The following SMG1 variants were observed in gnomAD, a reference collection of about 807,000 sequenced individuals.
The protein encoded by SMG1 is SMG1 nonsense mediated mRNA decay associated PI3K related kinase, also known as serine/threonine-protein kinase SMG1.
A neutral mutation model predicts 419.9 loss-of-function variants in SMG1; 22 were observed. That is an observed-to-expected ratio of 0.05 (90% CI 0.04 to 0.07). SMG1 has a LOEUF of 0.07. SMG1 is among the 10% of genes least tolerant of loss of function. The pLI is 1.00. For missense variants in SMG1, 3,185 were observed against 4,342.0 expected (o/e 0.73, Z 7.49); for synonymous variants, 1,538 against 1,553.5 (o/e 0.99, Z 0.23).
intron 1 of SMG1, among the ~76,000 whole-genome samples, chr16:18,908,365 C>CAA (rs935478285): frequency 1.0e-4 from 8 of 77,644 alleles, no homozygotes; most frequent in East Asian, 4.0e-4. Context: ...ACTCAGTCTC[C>CAA]AAAAAAAAAA....
chr16:18,815,743 T>C, intron 58 of SMG1, 92 bp from the exon 59 acceptor site: 1 of 1,080,472 alleles, frequency 9.3e-7, no homozygotes, highest in Non-Finnish European at 1.3e-6. Context: ...AACAAATGTT[T>C]CAAATATGAG....
At chr16:18,878,959 A>C (rs1401008119) in intron 11 of SMG1, 2 of 172,528 alleles carry the variant, frequency 1.2e-5, no homozygotes, top group African/African-American at 4.8e-5. Context: ...GCAGTGAGCC[A>C]AAATCATGCC....
chr16:18,811,664 T>G, intron 62 of SMG1, 97 bp downstream of exon 62: 1 of 1,079,654 alleles, frequency 9.3e-7, no homozygotes, highest in South Asian at 1.4e-5. Context: ...TTAAGTTCCT[T>G]GATGAACTAT....
chr16:18,865,026 T>C (rs1194040101), intron 23 of SMG1, among the ~76,000 whole-genome samples: 2 of 152,174 alleles, frequency 1.3e-5, no homozygotes, highest in South Asian at 2.1e-4. Context: ...TGTAGAAGGA[T>C]AAAATCCAAG....
chr16:18,829,866 C>A (rs1026582681), intron 53 of SMG1, 60 bp downstream of exon 53: 3 of 1,445,462 alleles, frequency 2.1e-6, no homozygotes, highest in African/African-American at 2.9e-5. Context: ...CCTACTCTAT[C>A]CTGCCCCCTT....
At position 18,896,806 on chromosome 16, in the gene SMG1, C is replaced by T. The variant is rs768851156; in HGVS notation, c.243G>A (p.Gln81=). The T allele has an allele frequency of 3.1e-6, 5 of 1,606,190 alleles. No homozygotes were observed. In the East Asian group the frequency reaches 6.7e-5, roughly 21 times the overall value. The change falls in exon 2 of 63, where the codon CAG becomes CAA. Residue 81 remains glutamine (Q), a synonymous_variant. Transcript: ENST00000446231. Reference sequence around the variant, plus strand: ...AAATATATATACCCTTTTCGTCATTCTGTATGTCAGCGTGGACTCTGGTAT... The same window carrying T: ...AAATATATATACCCTTTTCGTCATTTTGTATGTCAGCGTGGACTCTGGTAT... ...HDDTRVHADI[Q]NDEKGGYSVN... is the part of the protein sequence containing the mutation.
intron 1 of SMG1, chr16:18,899,910 ATT>A (rs1200647651): frequency 1.3e-6 from 1 of 757,124 alleles, no homozygotes; most frequent in African/African-American, 1.7e-5. Context: ...AAATGCATAA[ATT>A]TCCCCACAAC....
rs772884584 is a variant in SMG1, at chr16:18,926,048, C to T, written c.-7G>A. On this transcript the variant is annotated 5_prime_UTR_variant, in exon 1 of 63. Coordinates refer to ENST00000446231, the MANE Select transcript of SMG1 (RefSeq NM_015092.5). Reference sequence around the variant, plus strand: ...CCGGGGCTCTGCGGCTCATTACCTTCCCCGACACGACATGGCCAAGCGCCG... The same window carrying T: ...CCGGGGCTCTGCGGCTCATTACCTTTCCCGACACGACATGGCCAAGCGCCG... The T allele has an allele frequency of 1.3e-6, 2 of 1,566,372 alleles. No individual in the cohort carries two copies. The highest frequency in any genetic ancestry group is 1.2e-5 in the South Asian group (1 of 86,744).
chr16:18,829,743 A>G lies in SMG1; in HGVS notation c.9146T>C (p.Leu3049Pro). Residue 3049 changes from leucine (L) to proline (P), a missense_variant, in exon 54 of 63, where the codon CTT becomes CCT. Physicochemically the swap from Leu to Pro is moderately conservative, Grantham distance 98 (BLOSUM62 -3). This residue lies in a region of SMG1 where 737 missense variants were observed against 846.6 expected (regional missense o/e 0.87). Transcript: ENST00000446231. ...FSKTLSGSSS[L>P]EDQNTVNGPV... is the part of the protein sequence containing the mutation. ...CCCATTCACAGTATTCTGATCTTCA[A>G]GTGAACTTGATCCTACAAAAAGGAA... 1.9e-6 allele frequency: 3 copies of G among 1,598,618 alleles called. No individual in the cohort carries two copies. The highest frequency in any genetic ancestry group is 2.6e-6 in the Non-Finnish European group (3 of 1,170,064).
Position 18,852,444 on chromosome 16 carries a change from T to C in SMG1, c.4787A>G (p.Glu1596Gly). 1 of 1,592,188 alleles carries C rather than the reference T, an allele frequency of 6.3e-7. No individual in the cohort carries two copies. The highest frequency in any genetic ancestry group is 8.6e-7 in the Non-Finnish European group (1 of 1,169,522). ...SESTVHIGVG[E>G]PDFILGQLYH... The stretch of plus-strand genomic sequence containing the variant: ...CAACTGTCCCAAAATGAAGTCAGGT[T>C]CTCCAACTCCAATATGCACTGCCAA... Residue 1596 changes from glutamate to glycine, a missense_variant, in exon 32 of 63, where the codon GAA (glutamate) becomes GGA (glycine). Around this residue, in one of 27 missense-constraint regions of SMG1, gnomAD observed 493 missense variants for 552.9 expected, o/e 0.89. Transcript: ENST00000446231.
chr16:18,832,729 T>C (rs1449065742), intron 51 of SMG1, among the ~76,000 whole-genome samples: 1 of 152,122 alleles, frequency 6.6e-6, no homozygotes, highest in East Asian at 1.9e-4. Flanking sequence ...GCATGCACAA[T>C]ACCTGCCTGC....
At chr16:18,829,839 T>C (rs910243949) in intron 53 of SMG1, 84 bp from the exon 54 acceptor site, 1 of 1,434,834 alleles carries the variant, frequency 7.0e-7, no homozygotes, top group Non-Finnish European at 9.3e-7. Context: ...GTGTCATGAA[T>C]GTATAATTAA....
At chr16:18,813,978 C>T (rs2031724373) in intron 60 of SMG1, among the ~76,000 whole-genome samples, 1 of 135,702 alleles carries the variant, frequency 7.4e-6, no homozygotes, top group Non-Finnish European at 1.5e-5. Context: ...TTGCAGTGAG[C>T]CAAGATTGCG....
In SMG1 at chr16:18,830,093, A is replaced by G; in HGVS notation, c.8966T>C (p.Ile2989Thr). ...TATGATGTCAATCTTTCGCCAAGCT[A>G]TGGGAATTTCCATCTTGTTCAACTA... ...VEKLNKMEIP[I>T]AWRKIDIIRE... Residue 2989 changes from isoleucine to threonine, a missense_variant, in exon 53 of 63, where the codon ATA becomes ACA. By Grantham distance (89) the Ile-to-Thr change is moderately conservative. Coordinates refer to ENST00000446231, the MANE Select transcript of SMG1 (RefSeq NM_015092.5). 6.2e-7 allele frequency: 1 copy of G among 1,603,204 alleles called. No individual in the cohort carries two copies. Among genetic ancestry groups the G allele is most frequent in the Non-Finnish European group, 8.5e-7 (1 of 1,174,870 alleles).
At position 18,852,215 on chromosome 16, in the gene SMG1, T is replaced by C; in HGVS notation, c.4914-10A>G. 6.2e-7 allele frequency: 1 copy of C among 1,610,308 alleles called. No homozygotes were observed. Among genetic ancestry groups the C allele is most frequent in the Non-Finnish European group, 8.5e-7 (1 of 1,178,810 alleles). Reference sequence around the variant, plus strand: ...AACACCTTCTCCCTGACTATAAAAATAAACAAGTCATCAGTATTTCAGCTA... The same window carrying C: ...AACACCTTCTCCCTGACTATAAAAACAAACAAGTCATCAGTATTTCAGCTA... On this transcript the variant is annotated splice_polypyrimidine_tract_variant and intron_variant, in intron 32 of 62. Transcript: ENST00000446231.
chr16:18,860,001 G>C (rs1485965344), intron 26 of SMG1, among the ~76,000 whole-genome samples: 1 of 152,124 alleles, frequency 6.6e-6, no homozygotes, highest in African/African-American at 2.4e-5. Flanking sequence ...GGTGGATCAC[G>C]AGGTCAGGAG....
intron 57 of SMG1, among the ~76,000 whole-genome samples, chr16:18,816,928 C>T (rs973904651): frequency 6.6e-6 from 1 of 152,136 alleles, no homozygotes; most frequent in African/African-American, 2.4e-5. Flanking sequence ...TTCTGGCCTT[C>T]ACTAACCTTT....
intron 29 of SMG1, among the ~76,000 whole-genome samples, chr16:18,856,087 C>T (rs932251378): frequency 6.6e-6 from 1 of 152,136 alleles, no homozygotes; most frequent in African/African-American, 2.4e-5. Flanking sequence ...TTTATCTTAA[C>T]TCTCAGCTTA....
chr16:18,884,788 T>C (rs545991942), intron 8 of SMG1: 5 of 275,086 alleles, frequency 1.8e-5, no homozygotes, highest in Admixed American at 5.1e-5. Flanking sequence ...ACAAATAACT[T>C]GGATCTTCCA....
Sources: gnomAD v4.1 joint callset for allele counts (sites outside exome capture counted in the v4.1 genomes callset) on GRCh38, gnomAD v4.1.1 for gene constraint, gnomAD v4.1.1 regional missense constraint, MANE v1.5 for transcripts, NCBI Gene and HGNC (gene_info 2026-07-23, HGNC 2026-07-21) for gene names.